The following NUP93 variants were observed in gnomAD, a reference collection of about 807,000 sequenced individuals.
NUP93 encodes nucleoporin 93.
Under a neutral mutation model 107.8 loss-of-function variants are expected in NUP93, and 55 were observed. The observed-to-expected ratio is 0.51, with a 90% CI of 0.41 to 0.64. NUP93 has a LOEUF of 0.64. Ranked by LOEUF, NUP93 falls within the 30% of genes least tolerant of loss-of-function variation. NUP93 has a pLI of 0.00. For synonymous variants in NUP93, 390 were observed against 397.5 expected (o/e 0.98, Z 0.22); for missense variants, 937 against 1,044.7 (o/e 0.90, Z 1.42).
At chr16:56,734,402 C>T (rs979903128) in intron 1 of NUP93, among the ~76,000 whole-genome samples, 1 of 152,196 alleles carries the variant, frequency 6.6e-6, no homozygotes, top group East Asian at 1.9e-4. Context: ...GACCAAAGTA[C>T]ATAATCCTGG....
Position 56,815,922 on chromosome 16 carries a change from G to A in NUP93, c.490-2742G>A, listed in dbSNP as rs549618014. Among the ~76,000 whole-genome samples the A allele has an allele frequency of 3.1e-4, 46 of 150,430 alleles. 1 individual carries two copies. The South Asian group carries it at 9.6e-3, about 31-fold the overall frequency. ...TGGTGCTGCTGCTGCTGCTGGTGCT[G>A]CTGCTGCTACCACTACTACTACTAC... is the stretch of plus-strand genomic sequence containing the variant. On this transcript the variant is annotated intron_variant, in intron 5 of 21. Coordinates refer to ENST00000308159, the MANE Select transcript of NUP93 (RefSeq NM_014669.5).
At chr16:56,758,323 C>A (rs1962063859) in intron 2 of NUP93, among the ~76,000 whole-genome samples, 1 of 152,122 alleles carries the variant, frequency 6.6e-6, no homozygotes, top group Non-Finnish European at 1.5e-5. Flanking sequence ...ATGATTAGAA[C>A]TTGAATCTGT....
chr16:56,826,604 T>A (rs1441290336), intron 8 of NUP93, among the ~76,000 whole-genome samples: 1 of 151,620 alleles, frequency 6.6e-6, no homozygotes, highest in Non-Finnish European at 1.5e-5. Context: ...AAATGATACA[T>A]CCTTATTATA....
chr16:56,836,768 T>G (rs1963921575), intron 17 of NUP93, 51 bp downstream of exon 17: 6 of 1,245,778 alleles, frequency 4.8e-6, no homozygotes, highest in South Asian at 1.2e-5. Flanking sequence ...TGCTGGCCTT[T>G]TGGCATTAAA....
chr16:56,827,426 A>G (rs899700701), intron 8 of NUP93, among the ~76,000 whole-genome samples: 2 of 152,230 alleles, frequency 1.3e-5, no homozygotes, highest in Non-Finnish European at 2.9e-5. Flanking sequence ...TTGTTGGTGA[A>G]TAGAATACTT....
chr16:56,843,389 A>G (rs1596869183), intron 21 of NUP93, among the ~76,000 whole-genome samples: 1 of 152,070 alleles, frequency 6.6e-6, no homozygotes, highest in African/African-American at 2.4e-5. Context: ...GCCATGTCTC[A>G]TGTCTGAAGA....
rs149460643 is a variant in NUP93, at chr16:56,814,242, G to A, written c.490-4422G>A. 3.0e-3 allele frequency among the ~76,000 whole-genome samples: 456 copies of A among 152,068 alleles called. 1 individual carries two copies. The highest frequency in any genetic ancestry group is 9.6e-3 in the African/African-American group (398 of 41,478). The stretch of plus-strand genomic sequence containing the variant: ...GTCACCCAGGTTGGAATGCGGTGGC[G>A]CAATCTCAGCTCACTGCAACTTCCG... On this transcript the variant is annotated intron_variant, in intron 5 of 21. Coordinates refer to ENST00000308159, the MANE Select transcript of NUP93 (RefSeq NM_014669.5).
intron 5 of NUP93, among the ~76,000 whole-genome samples, chr16:56,808,715 AAATATATATAAATACATATAT>A (rs1963240119): frequency 2.9e-5 from 1 of 34,684 alleles, no homozygotes; most frequent in African/African-American, 2.5e-4. Flanking sequence ...ATACATATAT[AAATATATATAAATACATATAT>A]AAAATACATA....
At chr16:56,784,674 T>C (rs975187617) in intron 3 of NUP93, among the ~76,000 whole-genome samples, 1 of 152,248 alleles carries the variant, frequency 6.6e-6, no homozygotes, top group African/African-American at 2.4e-5. Context: ...TTATAGTGCA[T>C]GTATTTTATA....
rs1380081610 is a variant in NUP93 at position 56,838,934 on chromosome 16, C to T, written c.2019-18C>T. 1.9e-6 allele frequency: 3 copies of T among 1,552,354 alleles called. No homozygotes were observed. Among genetic ancestry groups the T allele is most frequent in the Middle Eastern group, 1.7e-4 (1 of 5,952 alleles). ...CCTGATACACTCTTACTACCCCCACCCCGTTTTTGTCTTTCAGGTATAGGG... is the reference window on the plus strand; with the variant it reads ...CCTGATACACTCTTACTACCCCCACTCCGTTTTTGTCTTTCAGGTATAGGG... On this transcript the variant is annotated intron_variant, in intron 18 of 21. Coordinates refer to ENST00000308159, the MANE Select transcript of NUP93 (RefSeq NM_014669.5).
chr16:56,750,030 G>A (rs566962163), intron 2 of NUP93, among the ~76,000 whole-genome samples: 1 of 152,336 alleles, frequency 6.6e-6, no homozygotes, highest in South Asian at 2.1e-4. Flanking sequence ...AGATACTGCT[G>A]GAGCGAAAGG....
chr16:56,815,001 A>G (rs1428219416), intron 5 of NUP93, among the ~76,000 whole-genome samples: 2 of 152,230 alleles, frequency 1.3e-5, no homozygotes, highest in Non-Finnish European at 1.5e-5. Flanking sequence ...GTGCGGGGAA[A>G]TAGCGGCTTG....
In NUP93 at chr16:56,834,513, G is replaced by A. The variant is rs983996458; in HGVS notation, c.1737+71G>A. On this transcript the variant is annotated intron_variant, in intron 15 of 21. Transcript: ENST00000308159. ...ATGTCCCATGCTCATTCCGTATTGC[G>A]TGTTTACTTCAATATGGTTGTGGTG... The A allele has an allele frequency of 9.2e-5, 137 of 1,490,922 alleles. No homozygotes were observed. The Admixed American group carries it at 1.7e-3, about 18-fold the overall frequency. 92.4% of individuals were successfully genotyped at this position (1,490,922 alleles called of 1,614,324 possible). A position where few individuals can be genotyped will look rare whatever the true frequency, so the allele number is the denominator to read the frequency against.
At chr16:56,830,142 T>G (rs1308112914) in intron 9 of NUP93, among the ~76,000 whole-genome samples, 2 of 152,230 alleles carry the variant, frequency 1.3e-5, no homozygotes, top group Admixed American at 1.3e-4. Flanking sequence ...AGTGACATCT[T>G]TAGCCTTTGC....
At chr16:56,757,347 G>A (rs902669028) in intron 2 of NUP93, among the ~76,000 whole-genome samples, 10 of 152,210 alleles carry the variant, frequency 6.6e-5, no homozygotes, top group Non-Finnish European at 8.8e-5. Context: ...GGATGTGGTG[G>A]TTCACGCCTG....
intron 2 of NUP93, among the ~76,000 whole-genome samples, chr16:56,754,523 C>T (rs754119583): frequency 1.3e-5 from 2 of 152,234 alleles, no homozygotes; most frequent in African/African-American, 2.4e-5. Context: ...AATGGGGGTA[C>T]AGGCATTGGG....
At chr16:56,839,724 T>G in intron 20 of NUP93, 120 bp downstream of exon 20, 1 of 805,726 alleles carries the variant, frequency 1.2e-6, no homozygotes, top group Non-Finnish European at 2.1e-6. Flanking sequence ...CAGACTGAGT[T>G]TTCCAGAGTG....
intron 3 of NUP93, among the ~76,000 whole-genome samples, chr16:56,787,697 G>A (rs1962658663): frequency 6.6e-6 from 1 of 152,124 alleles, no homozygotes; most frequent in African/African-American, 2.4e-5. Context: ...AAGGAATGCT[G>A]GTCATGATAA....
intron 4 of NUP93, among the ~76,000 whole-genome samples, chr16:56,804,134 C>T (rs1192901573): frequency 1.3e-5 from 2 of 152,128 alleles, no homozygotes; most frequent in African/African-American, 4.8e-5. Context: ...TGAAATGGTA[C>T]AGCCTCTATG....
Sources: allele counts gnomAD v4.1 joint callset (sites outside exome capture counted in the v4.1 genomes callset), GRCh38; gene constraint gnomAD v4.1.1; transcripts MANE v1.5; gene names NCBI Gene and HGNC (gene_info 2026-07-23, HGNC 2026-07-21).